Variants in DEUP1 observed in about 807,000 individuals in gnomAD.
DEUP1 encodes the protein coiled-coil domain containing 67.
DEUP1 carries 82 observed loss-of-function variants against 87.4 expected under a neutral mutation model. The observed-to-expected ratio is 0.94, with a 90% CI of 0.78 to 1.13. DEUP1 has a LOEUF of 1.13. Ranked by LOEUF, DEUP1 falls within the 50% of genes most tolerant of loss-of-function variation. The pLI is 0.00. For missense variants in DEUP1, 663 were observed against 681.5 expected, an observed-to-expected ratio of 0.97 and a Z score of 0.30; for synonymous variants, 214 against 222.7, an observed-to-expected ratio of 0.96 and a Z score of 0.35.
chr11:93,415,768 T>A (rs1482062321), intron 13 of DEUP1, among the ~76,000 whole-genome samples: 1 of 152,096 alleles, frequency 6.6e-6, no homozygotes, highest in Admixed American at 6.6e-5. Context: ...TTTCTCAACC[T>A]TGTTTTTTAG....
At chr11:93,392,566 A>G (rs1201140609) in intron 9 of DEUP1, among the ~76,000 whole-genome samples, 2 of 152,190 alleles carry the variant, frequency 1.3e-5, no homozygotes, top group Non-Finnish European at 2.9e-5. Flanking sequence ...AACAACATTT[A>G]TTATATTTTT....
intron 7 of DEUP1, among the ~76,000 whole-genome samples, chr11:93,385,173 C>T (rs762615289): frequency 6.6e-5 from 10 of 152,210 alleles, no homozygotes; most frequent in African/African-American, 1.9e-4. Flanking sequence ...GAGCCAAGAT[C>T]GTGCCACTGC....
intron 4 of DEUP1, among the ~76,000 whole-genome samples, chr11:93,359,822 C>T (rs1945078604): frequency 6.6e-6 from 1 of 152,148 alleles, no homozygotes; most frequent in South Asian, 2.1e-4. Flanking sequence ...AGTGGAAAAA[C>T]CTAGATTTCT....
At chr11:93,357,298 G>T in intron 4 of DEUP1, 1 of 250,696 alleles carries the variant, frequency 4.0e-6, no homozygotes, top group Non-Finnish European at 7.5e-6. Context: ...ACTTGTTGAT[G>T]AATTAAATAA....
Position 93,385,410 on chromosome 11 carries a change from G to A in DEUP1, c.802G>A (p.Gly268Ser), listed in dbSNP as rs568935223. 7.4e-6 allele frequency: 12 copies of A among 1,613,176 alleles called. No homozygotes were observed. The African/African-American group carries it at 1.5e-4, about 20-fold the overall frequency. Residue 268 changes from glycine (G) to serine (S), a missense_variant, in exon 8 of 14, where the codon GGT (glycine) becomes AGT (serine). Coordinates refer to ENST00000298050, the MANE Select transcript of DEUP1 (RefSeq NM_181645.4). ...YQRQCQAMEA[G>S]LSEVKSELQS... ...TGTTTTTATTCAGGCCATGGAAGCA[G>A]GTCTCTCAGAGGTAAAAAGTGAGTT...
At chr11:93,429,135 A>G (rs1157189638) in intron 13 of DEUP1, among the ~76,000 whole-genome samples, 5 of 152,202 alleles carry the variant, frequency 3.3e-5, no homozygotes, top group Middle Eastern at 3.4e-3. Context: ...TGTTGCTTAT[A>G]TGTTGGTTTT....
At chr11:93,369,238 C>A (rs1945582035) in intron 5 of DEUP1, among the ~76,000 whole-genome samples, 1 of 152,068 alleles carries the variant, frequency 6.6e-6, no homozygotes, top group Admixed American at 6.5e-5. Context: ...GACTTAATTA[C>A]CTCCCAAAGG....
intron 9 of DEUP1, 105 bp from the exon 10 acceptor site, chr11:93,394,354 C>A: frequency 1.4e-6 from 1 of 716,836 alleles, no homozygotes; most frequent in Non-Finnish European, 2.2e-6. Context: ...TGAAGTGGGC[C>A]CTGACAAAGT....
At chr11:93,410,849 C>A (rs963464544) in intron 12 of DEUP1, among the ~76,000 whole-genome samples, 3 of 152,138 alleles carry the variant, frequency 2.0e-5, no homozygotes, top group Non-Finnish European at 4.4e-5. Flanking sequence ...CAAAAAGCAA[C>A]ATAAGAGGTA....
chr11:93,379,960 C>G (rs767451982), intron 7 of DEUP1, among the ~76,000 whole-genome samples: 2 of 152,196 alleles, frequency 1.3e-5, no homozygotes, highest in Admixed American at 6.5e-5. Flanking sequence ...TGCAAAACAG[C>G]AGTACTCATT....
chr11:93,364,212 A>G lies in DEUP1; in HGVS notation c.350A>G (p.Gln117Arg), dbSNP rs530048912. 5.0e-6 allele frequency: 8 copies of G among 1,607,500 alleles called. No homozygotes were observed. In the East Asian group the frequency reaches 1.8e-4, roughly 36 times the overall value. ...AAACTGAGATTACATCAGATGAAAC[A>G]AAACAAAGTTCCACGAAAAGAATTA... ...FEKLRLHQMK[Q>R]NKVPRKELPH... Residue 117 changes from glutamine (Q) to arginine (R), a missense_variant, in exon 5 of 14, where the codon CAA (glutamine) becomes CGA (arginine). Physicochemically the swap from Gln to Arg is conservative, Grantham distance 43. Transcript: ENST00000298050.
chr11:93,352,540 C>T (rs1944677280), intron 2 of DEUP1: 2 of 614,624 alleles, frequency 3.3e-6, no homozygotes, highest in South Asian at 2.0e-5. Flanking sequence ...TTAGTAACCT[C>T]ACTGTCTAAA....
At chr11:93,349,615 T>G (rs904654032) in intron 2 of DEUP1, among the ~76,000 whole-genome samples, 1 of 151,924 alleles carries the variant, frequency 6.6e-6, no homozygotes, top group African/African-American at 2.4e-5. Flanking sequence ...AAAGAAGAGC[T>G]AGAATTAGAA....
chr11:93,371,862 A>G (rs1401570923), intron 7 of DEUP1, among the ~76,000 whole-genome samples: 1 of 151,954 alleles, frequency 6.6e-6, no homozygotes. Flanking sequence ...ATTTCTTGCA[A>G]CCTTTAGGAA....
upstream of DEUP1, chr11:93,330,026 G>C (rs894590187): frequency 6.6e-6 from 1 of 152,172 alleles, no homozygotes; most frequent in South Asian, 2.1e-4. Context: ...CCTGAAGGGA[G>C]GCAACACTGT....
At chr11:93,390,657 G>C (rs1382265784) in intron 9 of DEUP1, among the ~76,000 whole-genome samples, 1 of 152,132 alleles carries the variant, frequency 6.6e-6, no homozygotes. Flanking sequence ...GTAATATAAA[G>C]AATCTACTGA....
intron 11 of DEUP1, among the ~76,000 whole-genome samples, chr11:93,405,202 C>G (rs1017576701): frequency 6.6e-6 from 1 of 151,708 alleles, no homozygotes; most frequent in African/African-American, 2.4e-5. Context: ...ATTCTCAACC[C>G]TTTTCAACCA....
At chr11:93,416,439 T>C (rs565915408) in intron 13 of DEUP1, among the ~76,000 whole-genome samples, 190 of 152,260 alleles carry the variant, frequency 1.2e-3, no homozygotes, top group Non-Finnish European at 1.0e-3. Context: ...CAGAAATGGA[T>C]AAATTCCTCG....
intron 13 of DEUP1, among the ~76,000 whole-genome samples, chr11:93,416,728 T>A (rs1206844214): frequency 6.6e-6 from 1 of 151,452 alleles, no homozygotes; most frequent in African/African-American, 2.4e-5. Flanking sequence ...CACAACCAAA[T>A]AAGAGAATTT....
Sources: gnomAD v4.1 joint callset for allele counts (sites outside exome capture counted in the v4.1 genomes callset) on GRCh38, gnomAD v4.1.1 for gene constraint, MANE v1.5 for transcripts, NCBI Gene and HGNC (gene_info 2026-07-23, HGNC 2026-07-21) for gene names.